The following ZMAT3 variants were observed in gnomAD, a reference collection of about 807,000 sequenced individuals.
ZMAT3 encodes the protein zinc finger matrin-type 3.
Under a neutral mutation model 32.3 loss-of-function variants are expected in ZMAT3, and 17 were observed. The ratio of observed to expected loss-of-function variants is 0.53; its 90% CI spans 0.36 to 0.79. The LOEUF (loss-of-function observed/expected upper bound fraction) is 0.79, where lower values mean the gene tolerates loss of function less well. Ranked by LOEUF, ZMAT3 falls within the 30% of genes least tolerant of loss-of-function variation. The probability of loss-of-function intolerance (pLI) is 0.00; values close to 1 mark genes in which losing one functional copy is unlikely to be tolerated. For missense variants in ZMAT3, 329 were observed against 359.7 expected, an observed-to-expected ratio of 0.91 and a Z score of 0.69; for synonymous variants, 120 against 133.1, an observed-to-expected ratio of 0.90 and a Z score of 0.68.
Position 179,066,635 on chromosome 3 carries a change from A to G in ZMAT3, c.270+848T>C, listed in dbSNP as rs111836075. The stretch of plus-strand genomic sequence containing the variant: ...GTGATGACCCGGGAAGACATCATTC[A>G]CTGGGTTTTGTCCTTGATTATCTCC... On this transcript the variant is annotated intron_variant, in intron 2 of 5. Coordinates refer to ENST00000311417, the MANE Select transcript of ZMAT3 (RefSeq NM_022470.4). 2.0e-3 allele frequency among the ~76,000 whole-genome samples: 310 copies of G among 152,346 alleles called. 2 individuals are homozygous for G. The highest frequency in any genetic ancestry group is 7.0e-3 in the African/African-American group (291 of 41,580).
At chr3:179,041,704 G>C (rs1719938578) in intron 2 of ZMAT3, among the ~76,000 whole-genome samples, 1 of 152,018 alleles carries the variant, frequency 6.6e-6, no homozygotes, top group African/African-American at 2.4e-5. Flanking sequence ...AAATTCAAAG[G>C]CTAGCAGAAG....
At chr3:179,025,354 T>G in intron 5 of ZMAT3, 126 bp from the exon 6 acceptor site, 2 of 803,152 alleles carry the variant, frequency 2.5e-6, no homozygotes, top group Non-Finnish European at 3.9e-6. Context: ...TAGCTTTAAG[T>G]GAATGTGAAG....
In ZMAT3 at chr3:179,060,864, AAAG is replaced by A. The variant is rs373036573; in HGVS notation, c.270+6616_270+6618del. 5.1e-4 allele frequency among the ~76,000 whole-genome samples: 77 copies of A among 152,282 alleles called. 2 individuals are homozygous for A. Among genetic ancestry groups the A allele is most frequent in the African/African-American group, 1.8e-3 (76 of 41,560 alleles). ...ACAAAATTAAAACAGGTCACCAAAA[AAAG>A]AATAAGAATCAGAAGATTTCTCTTC... On this transcript the variant is annotated intron_variant, in intron 2 of 5. Transcript: ENST00000311417.
chr3:179,030,475 C>T (rs1719120549), intron 3 of ZMAT3, among the ~76,000 whole-genome samples: 1 of 151,808 alleles, frequency 6.6e-6, no homozygotes, highest in African/African-American at 2.4e-5. Context: ...CTGCCTCAGC[C>T]TCCCGAGCAG....
At chr3:179,052,459 C>G (rs1312906361) in intron 2 of ZMAT3, among the ~76,000 whole-genome samples, 1 of 152,204 alleles carries the variant, frequency 6.6e-6, no homozygotes, top group Admixed American at 6.5e-5. Flanking sequence ...CACCTTACTC[C>G]TGCAAGAATG....
At chr3:179,045,490 G>A (rs969041616) in intron 2 of ZMAT3, among the ~76,000 whole-genome samples, 5 of 152,004 alleles carry the variant, frequency 3.3e-5, no homozygotes, top group Non-Finnish European at 5.9e-5. Context: ...AACATGAATC[G>A]GTCTCATAAC....
At chr3:179,065,666 C>A (rs970086894) in intron 2 of ZMAT3, among the ~76,000 whole-genome samples, 1 of 152,132 alleles carries the variant, frequency 6.6e-6, no homozygotes, top group Non-Finnish European at 1.5e-5. Flanking sequence ...AGGCTGGGTG[C>A]GGTAGGTCAC....
chr3:179,062,967 C>T (rs145823478), intron 2 of ZMAT3, among the ~76,000 whole-genome samples: 3 of 152,270 alleles, frequency 2.0e-5, no homozygotes, highest in Non-Finnish European at 4.4e-5. Context: ...TTTCAATCAA[C>T]CAGCATTTAT....
In ZMAT3 at chr3:179,058,755, CAAAAAAAAAAA is replaced by C. The variant is rs56006230; in HGVS notation, c.270+8717_270+8727del. 1.3e-4 allele frequency among the ~76,000 whole-genome samples: 9 copies of C among 68,226 alleles called. No homozygotes were observed. In the East Asian group the frequency reaches 4.0e-3, roughly 30 times the overall value. The allele number at this position is 68,226 out of a possible 152,430, so 44.8% of individuals were successfully genotyped here. A position where few individuals can be genotyped will look rare whatever the true frequency, so the allele number is the denominator to read the frequency against. On this transcript the variant is annotated intron_variant, in intron 2 of 5. Coordinates refer to ENST00000311417, the MANE Select transcript of ZMAT3 (RefSeq NM_022470.4). ...TGGGCGACAGAGCGAGACTCCGTCT[CAAAAAAAAAAA>C]AAAAAAAGAAAAAAGAAAAAGGACT...
intron 2 of ZMAT3, among the ~76,000 whole-genome samples, chr3:179,056,400 G>A (rs948170651): frequency 6.6e-6 from 1 of 152,076 alleles, no homozygotes; most frequent in African/African-American, 2.4e-5. Context: ...AAAGGGAAAA[G>A]CTGGGCAAAT....
chr3:179,032,946 G>A lies in ZMAT3; in HGVS notation c.271-1947C>T, dbSNP rs568768263. ...TGCCCGGCCGCCCCGTCTGGGAATT[G>A]AGGAGCCTCTCTGCCCGGCCGCCAC... On this transcript the variant is annotated intron_variant, in intron 2 of 5. Coordinates refer to ENST00000311417, the MANE Select transcript of ZMAT3 (RefSeq NM_022470.4). Among the ~76,000 whole-genome samples the A allele has an allele frequency of 1.7e-4, 26 of 152,296 alleles. No individual in the cohort carries two copies. In the Middle Eastern group the frequency reaches 0.017, roughly 100 times the overall value.
chr3:179,031,872 A>C (rs1576841233), intron 2 of ZMAT3, among the ~76,000 whole-genome samples: 1 of 148,382 alleles, frequency 6.7e-6, no homozygotes, highest in Non-Finnish European at 1.5e-5. Context: ...ACACCACTGC[A>C]CTCCAGCCTG....
chr3:179,025,227 T>G lies in ZMAT3; in HGVS notation c.660A>C (p.Ala220=). The change falls in exon 6 of 6, where the codon GCA becomes GCC. Residue 220 remains alanine, a splice_region_variant and synonymous_variant. Transcript: ENST00000311417. ...RNMYTVQNNS[A]GPYFNPRSRQ... is the part of the protein sequence containing the mutation. ...GAGAGCGGGGATTGAAGTAAGGACC[T>G]GCTAAAGCAAGAGATAAAAATAATA... is the stretch of plus-strand genomic sequence containing the variant. The G allele has an allele frequency of 6.2e-7, 1 of 1,610,362 alleles. No individual in the cohort carries two copies. The highest frequency in any genetic ancestry group is 8.5e-7 in the Non-Finnish European group (1 of 1,177,540).
In ZMAT3 at chr3:179,046,808, T is replaced by C. The variant is rs564309565; in HGVS notation, c.271-15809A>G. On this transcript the variant is annotated intron_variant, in intron 2 of 5. Transcript: ENST00000311417. The surrounding 1 kb of genome is among the most constrained non-coding windows in gnomAD (Gnocchi z 4.3). ...AATCCCCCTGGGAACATAACTCCAT[T>C]GGCCCGTTCACACCCCTATTCCCCA... 6.6e-6 allele frequency among the ~76,000 whole-genome samples: 1 copy of C among 152,166 alleles called. No individual in the cohort carries two copies. The highest frequency in any genetic ancestry group is 2.1e-4 in the South Asian group (1 of 4,822).
intron 2 of ZMAT3, among the ~76,000 whole-genome samples, chr3:179,052,913 A>G (rs1720643851): frequency 1.3e-5 from 2 of 152,086 alleles, no homozygotes; most frequent in Non-Finnish European, 2.9e-5. Flanking sequence ...GGATCACATG[A>G]GGTCAGGAGT....
chr3:179,028,061 A>C (rs1718976318), intron 3 of ZMAT3, among the ~76,000 whole-genome samples: 3 of 152,216 alleles, frequency 2.0e-5, no homozygotes, highest in African/African-American at 7.2e-5. Flanking sequence ...CACTGAAGAC[A>C]TTTTTTAAGA....
rs1273723286 is a variant in ZMAT3 at position 179,046,169 on chromosome 3, TA to T, written c.271-15171del. Among the ~76,000 whole-genome samples the T allele has an allele frequency of 6.6e-6, 1 of 152,066 alleles. No homozygotes were observed. Among genetic ancestry groups the T allele is most frequent in the Non-Finnish European group, 1.5e-5 (1 of 68,016 alleles). ...TCACTAAAAGCAGAAGAACAGCTGA[TA>T]CAGGAGCTGAAGAGCATGACTACAG... is the stretch of plus-strand genomic sequence containing the variant. On this transcript the variant is annotated intron_variant, in intron 2 of 5. Transcript: ENST00000311417. This position sits in a 1 kb window ranked among gnomAD's most constrained non-coding sequence, Gnocchi z 4.3.
intron 2 of ZMAT3, among the ~76,000 whole-genome samples, chr3:179,052,725 C>A (rs1720633495): frequency 6.6e-6 from 1 of 152,084 alleles, no homozygotes; most frequent in African/African-American, 2.4e-5. Flanking sequence ...CAATTTGCAA[C>A]TGAAAAAATA....
chr3:179,059,670 C>T (rs1363383639), intron 2 of ZMAT3, among the ~76,000 whole-genome samples: 1 of 152,180 alleles, frequency 6.6e-6, no homozygotes, highest in East Asian at 1.9e-4. Flanking sequence ...GACCAGCCTG[C>T]TAGCCCATTC....
Sources: allele counts gnomAD v4.1 joint callset (sites outside exome capture counted in the v4.1 genomes callset), GRCh38; gene constraint gnomAD v4.1.1; non-coding constraint Gnocchi (gnomAD v3.1); transcripts MANE v1.5; gene names NCBI Gene and HGNC (gene_info 2026-07-23, HGNC 2026-07-21).